Variants in MORN5 observed in about 807,000 individuals in gnomAD.
The protein encoded by MORN5 is MORN repeat-containing protein 5.
Under a neutral mutation model 22.1 loss-of-function variants are expected in MORN5, and 21 were observed. The ratio of observed to expected loss-of-function variants is 0.95; its 90% CI spans 0.67 to 1.37. MORN5 has a LOEUF of 1.37. Ranked by LOEUF, MORN5 falls within the 40% of genes most tolerant of loss-of-function variation. The probability of loss-of-function intolerance (pLI) is 0.00; values close to 1 mark genes in which losing one functional copy is unlikely to be tolerated. For synonymous variants in MORN5, 73 were observed against 74.0 expected, an observed-to-expected ratio of 0.99 and a Z score of 0.07; for missense variants, 211 against 215.1, an observed-to-expected ratio of 0.98 and a Z score of 0.12.
At chr9:122,162,928 C>T (rs995083627) in intron 1 of MORN5, among the ~76,000 whole-genome samples, 9 of 151,918 alleles carry the variant, frequency 5.9e-5, no homozygotes, top group East Asian at 3.9e-4. Flanking sequence ...GATGTCAAAA[C>T]GTGTCAAATT....
At chr9:122,188,630 G>A (rs16911556) in intron 4 of MORN5, among the ~76,000 whole-genome samples, 6,410 of 152,318 alleles carry the variant, frequency 0.042, 433 homozygotes, top group African/African-American at 0.15. Context: ...CTTGGCCATG[G>A]CACTTGGTTC....
chr9:122,178,877 G>T (rs994993810), intron 4 of MORN5, among the ~76,000 whole-genome samples: 2 of 152,180 alleles, frequency 1.3e-5, no homozygotes, highest in African/African-American at 4.8e-5. Context: ...GTTCCATAGA[G>T]CGTTCCCTTT....
chr9:122,199,367 C>T (rs1829963185), intron 4 of MORN5, among the ~76,000 whole-genome samples: 2 of 152,280 alleles, frequency 1.3e-5, no homozygotes, highest in South Asian at 2.1e-4. Context: ...GGCACAGCGG[C>T]GAGCTCCTGC....
intron 4 of MORN5, among the ~76,000 whole-genome samples, chr9:122,187,383 T>A (rs1286714000): frequency 6.6e-6 from 1 of 152,190 alleles, no homozygotes; most frequent in Non-Finnish European, 1.5e-5. Context: ...GTTACGGACG[T>A]GTCCCCATCA....
At chr9:122,172,163 G>C (rs1244749401) in intron 3 of MORN5, among the ~76,000 whole-genome samples, 1 of 150,236 alleles carries the variant, frequency 6.7e-6, no homozygotes, top group Non-Finnish European at 1.5e-5. Flanking sequence ...TGTAGAGATG[G>C]GTGTTGCCAT....
At position 122,166,885 on chromosome 9, in the gene MORN5, C is replaced by T. The variant is rs150789920; in HGVS notation, c.165C>T (p.Asp55=). The T allele has an allele frequency of 2.9e-5, 47 of 1,613,812 alleles. No individual in the cohort carries two copies. The African/African-American group carries it at 4.3e-4, about 15-fold the overall frequency. ...TLYFPSGSQY[D]AIWENGLAIK... ...ACTTCCCCAGCGGAAGCCAATACGA[C>T]GCCATTTGGGAAAACGGATTGGCCA... Residue 55 remains aspartate (D), a synonymous_variant, in exon 2 of 5, where the codon GAC becomes GAT. Transcript: ENST00000373764.
intron 4 of MORN5, chr9:122,175,754 C>T: frequency 1.1e-6 from 1 of 950,816 alleles, no homozygotes; most frequent in Non-Finnish European, 1.3e-6. Flanking sequence ...AGAGCATCCT[C>T]TCCCTATAGG....
chr9:122,194,545 G>A (rs966819189), intron 4 of MORN5, among the ~76,000 whole-genome samples: 2 of 152,154 alleles, frequency 1.3e-5, no homozygotes, highest in Admixed American at 1.3e-4. Context: ...AGAAGGGGGT[G>A]CATAGGGAAT....
chr9:122,174,810 C>T (rs1829423997), intron 4 of MORN5, 183 bp downstream of exon 4: 1 of 1,449,794 alleles, frequency 6.9e-7, no homozygotes, highest in Non-Finnish European at 9.1e-7. Flanking sequence ...TGTACATAGT[C>T]CTAGAGTGAG....
At position 122,159,928 on chromosome 9, in the gene MORN5, A is replaced by G. The variant is rs111689662; in HGVS notation, c.-45A>G. Reference sequence around the variant, plus strand: ...AGGTTGTCATAGTGATGCCGTATCCACTGAGACTCCGGATCCTAACAGCTG... The same window carrying G: ...AGGTTGTCATAGTGATGCCGTATCCGCTGAGACTCCGGATCCTAACAGCTG... On this transcript the variant is annotated 5_prime_UTR_variant, in exon 1 of 5. Transcript: ENST00000373764. 5.6e-4 allele frequency: 897 copies of G among 1,598,210 alleles called. 4 individuals carry two copies. The African/African-American group carries it at 9.6e-3, about 17-fold the overall frequency.
chr9:122,172,763 T>C (rs187189180), intron 3 of MORN5, among the ~76,000 whole-genome samples: 10 of 152,316 alleles, frequency 6.6e-5, no homozygotes, highest in Non-Finnish European at 1.5e-4. Context: ...TAAAGAGTTA[T>C]TGTCAAACAG....
At chr9:122,189,488 T>G (rs974261667) in intron 4 of MORN5, among the ~76,000 whole-genome samples, 15 of 152,174 alleles carry the variant, frequency 9.9e-5, no homozygotes, top group African/African-American at 3.6e-4. Context: ...GTTCAGCTAC[T>G]GGGAAGCTGA....
In MORN5 at chr9:122,169,667, G is replaced by A; in HGVS notation, c.218G>A (p.Gly73Glu). 1.2e-6 allele frequency: 2 copies of A among 1,613,922 alleles called. No individual in the cohort carries two copies. The highest frequency in any genetic ancestry group is 4.5e-5 in the East Asian group (2 of 44,870). ...AIKGTYTFSDGLHYDEKNWHY... is the reference protein window; with the variant it reads ...AIKGTYTFSDELHYDEKNWHY... ...CAGGGCACATATACGTTCTCAGATG[G>A]GCTGCACTATGATGAGAAAAACTGG... The change falls in exon 3 of 5, where the codon GGG becomes GAG. Residue 73 changes from glycine to glutamate, a missense_variant. By Grantham distance (98) the Gly-to-Glu change is moderately conservative. Coordinates refer to ENST00000373764, the MANE Select transcript of MORN5 (RefSeq NM_198469.4).
chr9:122,185,120 A>G (rs1829596840), intron 4 of MORN5, among the ~76,000 whole-genome samples: 2 of 152,282 alleles, frequency 1.3e-5, no homozygotes, highest in Non-Finnish European at 2.9e-5. Context: ...CAGTGGCACA[A>G]TCTCGGCTCA....
intron 1 of MORN5, among the ~76,000 whole-genome samples, chr9:122,163,925 T>G (rs1234615255): frequency 6.6e-6 from 1 of 152,160 alleles, no homozygotes; most frequent in African/African-American, 2.4e-5. Context: ...TCTGGAGTGC[T>G]CTGGCTGGAG....
intron 4 of MORN5, chr9:122,175,066 T>C (rs1829428701): frequency 1.4e-5 from 3 of 220,904 alleles, no homozygotes; most frequent in Non-Finnish European, 2.3e-5. Context: ...ACAAACACAA[T>C]GAAGGGAAAA....
At chr9:122,166,380 G>A (rs1829282663) in intron 1 of MORN5, among the ~76,000 whole-genome samples, 1 of 152,002 alleles carries the variant, frequency 6.6e-6, no homozygotes, top group Non-Finnish European at 1.5e-5. Context: ...AGGCAAGGAT[G>A]GGTTGGTCAT....
chr9:122,171,325 C>G (rs749743316), intron 3 of MORN5, among the ~76,000 whole-genome samples: 1 of 152,184 alleles, frequency 6.6e-6, no homozygotes, highest in Admixed American at 6.5e-5. Context: ...GTTAGTTGAC[C>G]GGGTGAGCCG....
intron 4 of MORN5, among the ~76,000 whole-genome samples, chr9:122,185,285 C>T (rs367775289): frequency 9.9e-5 from 15 of 151,776 alleles, no homozygotes; most frequent in Middle Eastern, 3.4e-3. Context: ...TGCAGTGGTG[C>T]GATCTCGGCT....
Sources: allele counts gnomAD v4.1 joint callset (sites outside exome capture counted in the v4.1 genomes callset), GRCh38; gene constraint gnomAD v4.1.1; transcripts MANE v1.5; gene names NCBI Gene and HGNC (gene_info 2026-07-23, HGNC 2026-07-21).